The following PHKB variants were observed in gnomAD, a reference collection of about 807,000 sequenced individuals.
PHKB encodes the protein phosphorylase b kinase regulatory subunit beta.
In PHKB, 122 loss-of-function variants were observed where a neutral mutation model predicts 152.1. The observed-to-expected ratio is 0.80, with a 90% CI of 0.69 to 0.93. The LOEUF is 0.93. PHKB is among the 40% of genes least tolerant of loss of function. PHKB has a pLI of 0.00. For missense variants in PHKB, 1,304 were observed against 1,328.4 expected (o/e 0.98, Z 0.29); for synonymous variants, 436 against 464.9 (o/e 0.94, Z 0.80).
At chr16:47,633,161 C>T (rs1972856252) in intron 14 of PHKB, among the ~76,000 whole-genome samples, 1 of 152,166 alleles carries the variant, frequency 6.6e-6, no homozygotes, top group Non-Finnish European at 1.5e-5. Context: ...TATTGTTACT[C>T]TGACATGTAC....
chr16:47,465,182 A>G (rs1267366820), intron 1 of PHKB, among the ~76,000 whole-genome samples: 2 of 152,244 alleles, frequency 1.3e-5, no homozygotes, highest in Non-Finnish European at 2.9e-5. Context: ...AACAATGCCA[A>G]TTGATTTCTG....
intron 14 of PHKB, among the ~76,000 whole-genome samples, chr16:47,629,724 CGT>C (rs1972787561): frequency 6.6e-6 from 1 of 152,160 alleles, no homozygotes; most frequent in African/African-American, 2.4e-5. Context: ...CATATGCACA[CGT>C]ATGTTTATTG....
chr16:47,589,723 A>C (rs1183214085), intron 10 of PHKB, among the ~76,000 whole-genome samples: 4 of 152,230 alleles, frequency 2.6e-5, no homozygotes, highest in Non-Finnish European at 5.9e-5. Flanking sequence ...CAAAAAAGTA[A>C]GAAGTCATGC....
At chr16:47,636,654 CT>C (rs927096385) in intron 14 of PHKB, among the ~76,000 whole-genome samples, 1 of 152,264 alleles carries the variant, frequency 6.6e-6, no homozygotes, top group African/African-American at 2.4e-5. Flanking sequence ...TGCCATCCCC[CT>C]GCTGCCTCAG....
intron 7 of PHKB, chr16:47,566,877 T>A (rs763882829): frequency 1.4e-6 from 1 of 693,994 alleles, no homozygotes. Context: ...CTTATTCTTC[T>A]TTTTTGCTTA....
intron 7 of PHKB, among the ~76,000 whole-genome samples, chr16:47,554,990 G>C (rs1971343989): frequency 6.6e-6 from 1 of 152,148 alleles, no homozygotes; most frequent in Admixed American, 6.5e-5. Flanking sequence ...CTGACTTTTA[G>C]CTTTTTAAAG....
rs11450311 is a variant in PHKB, at chr16:47,528,696, C to CTT, written c.594+13111_594+13112dup. Among the ~76,000 whole-genome samples, 668 of 137,270 alleles carry CTT rather than the reference C, an allele frequency of 4.9e-3. 4 individuals are homozygous for CTT. The highest frequency in any genetic ancestry group is 6.6e-3 in the African/African-American group (247 of 37,198). The allele number at this position is 137,270 out of a possible 152,430, so 90.1% of individuals were successfully genotyped here. On this transcript the variant is annotated intron_variant, in intron 6 of 30. Transcript: ENST00000323584. Reference sequence around the variant, plus strand: ...GGTTTCAATAAATAAAGGACTTTTTCTTTTTTTTTTTTTTTTTATTTTGAC... The same window carrying CTT: ...GGTTTCAATAAATAAAGGACTTTTTCTTTTTTTTTTTTTTTTTTTATTTTGAC...
intron 1 of PHKB, among the ~76,000 whole-genome samples, chr16:47,473,050 T>TTG (rs1555468488): frequency 1.6e-4 from 24 of 150,762 alleles, no homozygotes; most frequent in African/African-American, 5.9e-4. Context: ...GTGTTTTTTT[T>TTG]TTTGTTTGTT....
intron 7 of PHKB, among the ~76,000 whole-genome samples, chr16:47,573,441 G>C (rs1283459228): frequency 3.3e-5 from 5 of 152,150 alleles, no homozygotes; most frequent in Middle Eastern, 3.2e-3. Flanking sequence ...TTCCACGGAG[G>C]AGCGGAACTG....
At chr16:47,465,058 T>A (rs957082159) in intron 1 of PHKB, among the ~76,000 whole-genome samples, 1 of 152,116 alleles carries the variant, frequency 6.6e-6, no homozygotes, top group Non-Finnish European at 1.5e-5. Context: ...TTAAAGAAAA[T>A]AAATAAGAAA....
intron 10 of PHKB, 50 bp downstream of exon 10, chr16:47,589,152 C>A: frequency 7.3e-7 from 1 of 1,373,160 alleles, no homozygotes; most frequent in Non-Finnish European, 1.0e-6. Context: ...ATCAAAAGCA[C>A]AGATTCAGGA....
chr16:47,564,714 AT>A, intron 7 of PHKB, among the ~76,000 whole-genome samples: 1 of 152,138 alleles, frequency 6.6e-6, no homozygotes. Flanking sequence ...TTCTTCTAGA[AT>A]TTTTATGATT....
In PHKB at chr16:47,683,979, A is replaced by G. The variant is rs571285228; in HGVS notation, c.2631-5062A>G. Among the ~76,000 whole-genome samples the G allele has an allele frequency of 2.0e-5, 3 of 152,176 alleles. No individual in the cohort carries two copies. The East Asian group carries it at 5.8e-4, about 29-fold the overall frequency. ...TCTTGAAATCTTAAAATGATTATTT[A>G]AAAAAAATTATTTTTTCCAAGGATC... On this transcript the variant is annotated intron_variant, in intron 26 of 30. Coordinates refer to ENST00000323584, the MANE Select transcript of PHKB (RefSeq NM_000293.3).
chr16:47,583,776 G>T (rs974520136), intron 8 of PHKB, among the ~76,000 whole-genome samples: 1 of 152,126 alleles, frequency 6.6e-6, no homozygotes, highest in Admixed American at 6.5e-5. Context: ...AATTTCAGCT[G>T]TTGGACACTT....
chr16:47,662,890 T>C (rs1289653639), intron 23 of PHKB, among the ~76,000 whole-genome samples: 5 of 152,036 alleles, frequency 3.3e-5, no homozygotes, highest in Non-Finnish European at 5.9e-5. Flanking sequence ...TTTTAGTGCT[T>C]TTAAATAAAA....
At chr16:47,491,808 T>A (rs145421695) in intron 1 of PHKB, among the ~76,000 whole-genome samples, 2 of 152,338 alleles carry the variant, frequency 1.3e-5, no homozygotes, top group East Asian at 3.9e-4. Flanking sequence ...TGGGGTTTCA[T>A]GAGGAAAACA....
chr16:47,518,227 T>G (rs1970629338), intron 6 of PHKB, among the ~76,000 whole-genome samples: 1 of 152,238 alleles, frequency 6.6e-6, no homozygotes, highest in South Asian at 2.1e-4. Context: ...ATGCTTCTTT[T>G]TCTTAGGATT....
intron 14 of PHKB, among the ~76,000 whole-genome samples, chr16:47,633,395 A>C (rs917495799): frequency 2.0e-5 from 3 of 152,180 alleles, no homozygotes; most frequent in African/African-American, 7.2e-5. Context: ...CTACATCCTA[A>C]GTGAGAAAAG....
intron 7 of PHKB, among the ~76,000 whole-genome samples, chr16:47,554,492 C>T (rs758803095): frequency 1.7e-4 from 26 of 152,144 alleles, no homozygotes; most frequent in Non-Finnish European, 2.9e-4. Flanking sequence ...CCACTTGGTG[C>T]CCTGGCTTCA....
Sources: allele counts gnomAD v4.1 joint callset (sites outside exome capture counted in the v4.1 genomes callset), GRCh38; gene constraint gnomAD v4.1.1; transcripts MANE v1.5; gene names NCBI Gene and HGNC (gene_info 2026-07-23, HGNC 2026-07-21).